Variants in KIF5A observed in about 807,000 individuals in gnomAD.
KIF5A encodes kinesin family member 5A, also known as kinesin heavy chain isoform 5A.
KIF5A carries 35 observed loss-of-function variants against 141.3 expected under a neutral mutation model. That is an observed-to-expected ratio of 0.25 (90% CI 0.19 to 0.33). The LOEUF is 0.33. Among genes scored for constraint, KIF5A ranks in the 10% least tolerant of loss-of-function variants. The pLI is 1.00. For missense variants in KIF5A, 861 were observed against 1,314.3 expected, an observed-to-expected ratio of 0.66 and a Z score of 5.33; for synonymous variants, 448 against 500.2, an observed-to-expected ratio of 0.90 and a Z score of 1.39.
At chr12:57,564,292 G>A (rs1881997675) in intron 4 of KIF5A, 80 bp downstream of exon 4, 1 of 1,175,664 alleles carries the variant, frequency 8.5e-7, no homozygotes, top group African/African-American at 1.5e-5. Flanking sequence ...AAGAGCCTGG[G>A]CTCCCCAACT....
chr12:57,563,410 A>G, intron 1 of KIF5A, 29 bp from the exon 2 acceptor site: 1 of 1,511,542 alleles, frequency 6.6e-7, no homozygotes, highest in Non-Finnish European at 9.2e-7. Flanking sequence ...CTGCCTGTTG[A>G]CGTCTGATAT....
intron 21 of KIF5A, 50 bp downstream of exon 21, chr12:57,577,823 G>T: frequency 6.7e-7 from 1 of 1,485,254 alleles, no homozygotes; most frequent in Non-Finnish European, 9.4e-7. Flanking sequence ...GAGTGGGGAG[G>T]CTTCATTTCT....
intron 12 of KIF5A, among the ~76,000 whole-genome samples, chr12:57,570,875 C>T (rs998387830): frequency 1.1e-4 from 17 of 152,032 alleles, no homozygotes; most frequent in Admixed American, 4.6e-4. Context: ...ACTGCAACCT[C>T]AAACTCCTGG....
intron 5 of KIF5A, 61 bp downstream of exon 5, chr12:57,564,569 A>G (rs1882006846): frequency 5.4e-6 from 7 of 1,306,850 alleles, no homozygotes; most frequent in South Asian, 1.2e-5. Context: ...GAAAGCTCAC[A>G]TTGCATTTGG....
chr12:57,559,630 C>T (rs370774257), intron 1 of KIF5A, among the ~76,000 whole-genome samples: 32 of 152,232 alleles, frequency 2.1e-4, no homozygotes, highest in East Asian at 9.6e-4. Context: ...AACCACTACA[C>T]AGATCAAGAT....
chr12:57,583,394 A>C lies in KIF5A; in HGVS notation c.*36+179A>C, dbSNP rs1278873463. ...GGCTACACCTGTGCTGCCCCATGTA[A>C]TCTGGACGTTGACCTCCCGTGCCCC... On this transcript the variant is annotated intron_variant, in intron 28 of 28. Transcript: ENST00000455537. Among the ~76,000 whole-genome samples, 3 of 151,830 alleles carry C rather than the reference A, an allele frequency of 2.0e-5. No homozygotes were observed. In the East Asian group the frequency reaches 5.8e-4, roughly 29 times the overall value.
rs1222276690 is a variant in KIF5A at position 57,585,204 on chromosome 12, C to T, written c.*1023C>T. 2 of 154,292 alleles carry T rather than the reference C, an allele frequency of 1.3e-5. No individual in the cohort carries two copies. Among genetic ancestry groups the T allele is most frequent in the Admixed American group, 6.5e-5 (1 of 15,288 alleles). The allele number at this position is 154,292 out of a possible 1,614,324, so 9.6% of individuals were successfully genotyped here. A position where few individuals can be genotyped will look rare whatever the true frequency, so the allele number is the denominator to read the frequency against. On this transcript the variant is annotated 3_prime_UTR_variant, in exon 29 of 29. Transcript: ENST00000455537. ...GGCGGCATGCTCCTCCCATCTCCAC[C>T]CCTTGGTTTGGGGGCTTCCAGCTCA...
In KIF5A at chr12:57,567,454, G is replaced by A. The variant is rs754261881; in HGVS notation, c.590-40G>A. 3.1e-5 allele frequency: 50 copies of A among 1,610,578 alleles called. No individual in the cohort carries two copies. The African/African-American group carries it at 4.7e-4, about 15-fold the overall frequency. On this transcript the variant is annotated intron_variant, in intron 7 of 28. Transcript: ENST00000455537. ...GCCGGGGGCTGAGGACCTCAGTTCT[G>A]CAGGGTGGTGCAGGTCCTGTTTCTC...
Position 57,578,168 on chromosome 12 carries a change from G to A in KIF5A, c.2434-70G>A. 3.8e-6 allele frequency: 6 copies of A among 1,574,610 alleles called. No individual in the cohort carries two copies. In the South Asian group the frequency reaches 6.6e-5, roughly 17 times the overall value. On this transcript the variant is annotated intron_variant, in intron 22 of 28. Transcript: ENST00000455537. ...TGCCCCTGTTGCCCCTATGGGGCTGGCTTGGCCTGGTCTTGGTGGGACCTG... is the reference window on the plus strand; with the variant it reads ...TGCCCCTGTTGCCCCTATGGGGCTGACTTGGCCTGGTCTTGGTGGGACCTG...
At chr12:57,562,241 G>C (rs934374812) in intron 1 of KIF5A, among the ~76,000 whole-genome samples, 2 of 152,144 alleles carry the variant, frequency 1.3e-5, no homozygotes, top group African/African-American at 4.8e-5. Context: ...TTGAGACGAA[G>C]TCTTGCTCTT....
chr12:57,571,978 G>A, intron 13 of KIF5A, 83 bp from the exon 14 acceptor site: 2 of 1,133,304 alleles, frequency 1.8e-6, no homozygotes, highest in Middle Eastern at 2.8e-4. Context: ...TGGGTAGGGT[G>A]GGGGCTCAGC....
At position 57,572,711 on chromosome 12, in the gene KIF5A, C is replaced by T. The variant is rs2140165659; in HGVS notation, c.1701C>T (p.Asn567=). Residue 567 remains asparagine (N), a synonymous_variant, in exon 15 of 29, where the codon AAC becomes AAT. Coordinates refer to ENST00000455537, the MANE Select transcript of KIF5A (RefSeq NM_004984.4). This position sits in a 1 kb window ranked among gnomAD's most constrained non-coding sequence, Gnocchi z 4.2. ...GCGAGTTCAGTGTCATTGTGGGCAA[C>T]GGGGAGATTAAGCTGGTGAGTGGTG... ...DLSEFSVIVG[N]GEIKLPVEIS... 4 of 1,614,106 alleles carry T rather than the reference C, an allele frequency of 2.5e-6. No individual in the cohort carries two copies. Among genetic ancestry groups the T allele is most frequent in the Non-Finnish European group, 3.4e-6 (4 of 1,180,014 alleles).
At position 57,582,617 on chromosome 12, in the gene KIF5A, T is replaced by C. The variant is rs1882640472; in HGVS notation, c.3008T>C (p.Ile1003Thr). The change falls in exon 27 of 29, where the codon ATC becomes ACC. Residue 1003 changes from isoleucine to threonine, a missense_variant. Transcript: ENST00000455537. The part of the protein sequence containing the change: ...ANMDNGNATD[I>T]NDNRSDLPCG... ...ATCTCTTCAGGAAATGCCACAGATA[T>C]CAATGACAATAGGTACAACAGTCCC... The C allele has an allele frequency of 6.2e-7, 1 of 1,611,178 alleles. No individual in the cohort carries two copies. Among genetic ancestry groups the C allele is most frequent in the African/African-American group, 1.3e-5 (1 of 74,846 alleles).
chr12:57,576,742 A>G lies in KIF5A; in HGVS notation c.2199-19A>G. 1 of 1,580,846 alleles carries G rather than the reference A, an allele frequency of 6.3e-7. No homozygotes were observed. Among genetic ancestry groups the G allele is most frequent in the South Asian group, 1.1e-5 (1 of 90,138 alleles). On this transcript the variant is annotated intron_variant, in intron 19 of 28. Transcript: ENST00000455537. ...AACATCTTTCTCCCCCATCTCCATTACCTTCTGATGCTCTGTAGCCTAAAT... is the reference window on the plus strand; with the variant it reads ...AACATCTTTCTCCCCCATCTCCATTGCCTTCTGATGCTCTGTAGCCTAAAT...
rs886049701 is a variant in KIF5A at position 57,584,498 on chromosome 12, C to T, written c.*317C>T. 3.3e-4 allele frequency: 50 copies of T among 152,750 alleles called. No homozygotes were observed. Among genetic ancestry groups the T allele is most frequent in the Non-Finnish European group, 8.8e-5 (6 of 68,038 alleles). The allele number at this position is 152,750 out of a possible 1,614,324, so 9.5% of individuals were successfully genotyped here. ...AGGAGGGTGAATGTTTCTTCTTTCT[C>T]ATCTACTCGTCTCACACTGAGTGGT... On this transcript the variant is annotated 3_prime_UTR_variant, in exon 29 of 29. Coordinates refer to ENST00000455537, the MANE Select transcript of KIF5A (RefSeq NM_004984.4).
intron 12 of KIF5A, among the ~76,000 whole-genome samples, chr12:57,570,812 A>G (rs1882230080): frequency 6.6e-6 from 1 of 152,114 alleles, no homozygotes; most frequent in Admixed American, 6.6e-5. Flanking sequence ...GCTTTGAGAG[A>G]AAGAGTCTTG....
rs559609761 is a variant in KIF5A at position 57,579,117 on chromosome 12, C to A, written c.2538+775C>A. Among the ~76,000 whole-genome samples, 5 of 152,060 alleles carry A rather than the reference C, an allele frequency of 3.3e-5. No individual in the cohort carries two copies. In the East Asian group the frequency reaches 5.8e-4, roughly 18 times the overall value. Reference sequence around the variant, plus strand: ...GGCCCAACCAGCCCCTGGTTGGGGCCCCAGTCAAAACTCCTGTGTATTAAG... The same window carrying A: ...GGCCCAACCAGCCCCTGGTTGGGGCACCAGTCAAAACTCCTGTGTATTAAG... On this transcript the variant is annotated intron_variant, in intron 23 of 28. Coordinates refer to ENST00000455537, the MANE Select transcript of KIF5A (RefSeq NM_004984.4).
At chr12:57,573,516 G>C (rs1317271841) in intron 15 of KIF5A, among the ~76,000 whole-genome samples, 1 of 150,080 alleles carries the variant, frequency 6.7e-6, no homozygotes, top group Non-Finnish European at 1.5e-5. Flanking sequence ...GGGTGACAGA[G>C]CCAGACCTTG....
At chr12:57,574,013 G>A (rs1882341280) in intron 15 of KIF5A, among the ~76,000 whole-genome samples, 1 of 150,158 alleles carries the variant, frequency 6.7e-6, no homozygotes, top group Non-Finnish European at 1.5e-5. Flanking sequence ...AACCTGGGAG[G>A]CGGAGCTTGC....
Sources: gnomAD v4.1 joint callset for allele counts (sites outside exome capture counted in the v4.1 genomes callset) on GRCh38, gnomAD v4.1.1 for gene constraint, Gnocchi (gnomAD v3.1) non-coding constraint, MANE v1.5 for transcripts, NCBI Gene and HGNC (gene_info 2026-07-23, HGNC 2026-07-21) for gene names.